The following ARL9 variants were observed in gnomAD, a reference collection of about 807,000 sequenced individuals.
ARL9 encodes ADP-ribosylation factor-like protein 9.
Under a neutral mutation model 27.0 loss-of-function variants are expected in ARL9, and 14 were observed. That is an observed-to-expected ratio of 0.52 (90% CI 0.34 to 0.81). ARL9 has a LOEUF of 0.81. Among genes scored for constraint, ARL9 ranks in the 30% least tolerant of loss-of-function variants. The pLI, the probability that ARL9 is intolerant of heterozygous loss-of-function variation, is 0.01. For synonymous variants in ARL9, 106 were observed against 108.7 expected (o/e 0.98, Z 0.15); for missense variants, 294 against 290.0 (o/e 1.01, Z -0.10).
intron 1 of ARL9, among the ~76,000 whole-genome samples, chr4:56,507,494 T>G (rs1398651405): frequency 6.6e-6 from 1 of 151,210 alleles, no homozygotes; most frequent in East Asian, 2.0e-4. Flanking sequence ...TCTGTATTTT[T>G]GGTAGAGATG....
chr4:56,522,076 C>T (rs1721937353), intron 3 of ARL9, among the ~76,000 whole-genome samples: 1 of 149,176 alleles, frequency 6.7e-6, no homozygotes, highest in East Asian at 2.0e-4. Context: ...AGCTCCACCT[C>T]CCAGGCTTAA....
chr4:56,511,381 A>C (rs2110145727), intron 2 of ARL9, 34 bp downstream of exon 2: 3 of 1,579,270 alleles, frequency 1.9e-6, no homozygotes, highest in Middle Eastern at 1.7e-4. Context: ...TAAGATAGCC[A>C]CATTTTATTG....
chr4:56,507,654 A>G (rs964841171), intron 1 of ARL9, among the ~76,000 whole-genome samples: 21 of 151,390 alleles, frequency 1.4e-4, no homozygotes, highest in Non-Finnish European at 3.1e-4. Flanking sequence ...ATAGGGCCTA[A>G]GATGACATTA....
At chr4:56,523,641 T>C in intron 3 of ARL9, 56 bp from the exon 4 acceptor site, 1 of 1,437,766 alleles carries the variant, frequency 7.0e-7, no homozygotes, top group Non-Finnish European at 9.5e-7. Flanking sequence ...TGTGTTTATC[T>C]GAAAGGATTG....
At chr4:56,514,980 T>A (rs1466128940) in intron 2 of ARL9, among the ~76,000 whole-genome samples, 2 of 152,144 alleles carry the variant, frequency 1.3e-5, no homozygotes, top group Admixed American at 1.3e-4. Context: ...CCAGGTGTGG[T>A]GGCTTATGCC....
At chr4:56,505,344 G>C, upstream of ARL9, 1 of 456,660 alleles carries the variant, frequency 2.2e-6, no homozygotes, top group South Asian at 1.5e-5. Context: ...ATGGTTGGGA[G>C]CTGAGGGAAG....
At chr4:56,509,426 T>C (rs1721566705) in intron 1 of ARL9, among the ~76,000 whole-genome samples, 2 of 151,868 alleles carry the variant, frequency 1.3e-5, no homozygotes, top group African/African-American at 4.8e-5. Context: ...TTCCAAACTC[T>C]TGGCCTCAAG....
Position 56,511,255 on chromosome 4 carries a change from C to T in ARL9, c.350C>T (p.Ala117Val). Residue 117 changes from alanine (A) to valine (V), a missense_variant, in exon 2 of 4, where the codon GCT becomes GTT. Coordinates refer to ENST00000640821, the MANE Select transcript of ARL9 (RefSeq NM_001363794.2). ...AAAACCAGTGTCCTGCACTCTCTAG[C>T]TTCAAACAGAGTCCAGCACAGTGTG... is the stretch of plus-strand genomic sequence containing the variant. Reference protein sequence around the residue: ...AGKTSVLHSLASNRVQHSVAP... With the variant: ...AGKTSVLHSLVSNRVQHSVAP... 6.2e-7 allele frequency: 1 copy of T among 1,613,894 alleles called. No individual in the cohort carries two copies. Among genetic ancestry groups the T allele is most frequent in the East Asian group, 2.2e-5 (1 of 44,888 alleles).
At chr4:56,517,830 C>T (rs547850177) in intron 2 of ARL9, among the ~76,000 whole-genome samples, 1 of 151,784 alleles carries the variant, frequency 6.6e-6, no homozygotes, top group East Asian at 1.9e-4. Flanking sequence ...ATCATATTAA[C>T]TCAATGCAAT....
rs1721629653 is a variant in ARL9, at chr4:56,511,285, C to T, written c.380C>T (p.Pro127Leu). The change falls in exon 2 of 4, where the codon CCC becomes CTC. Residue 127 changes from proline (P) to leucine (L), a missense_variant. Physicochemically the swap from Pro to Leu is moderately conservative, Grantham distance 98. Coordinates refer to ENST00000640821, the MANE Select transcript of ARL9 (RefSeq NM_001363794.2). ...AACAGAGTCCAGCACAGTGTGGCAC[C>T]CACCCAAGGTTTCCATGCAGTTTGC... ...ASNRVQHSVA[P>L]TQGFHAVCIN... The T allele has an allele frequency of 6.2e-7, 1 of 1,613,686 alleles. No homozygotes were observed. The highest frequency in any genetic ancestry group is 8.5e-7 in the Non-Finnish European group (1 of 1,179,814).
At chr4:56,513,820 C>G (rs1334608508) in intron 2 of ARL9, among the ~76,000 whole-genome samples, 1 of 152,162 alleles carries the variant, frequency 6.6e-6, no homozygotes, top group Non-Finnish European at 1.5e-5. Context: ...GTAGCTCCCC[C>G]AGTTTCTAAT....
intron 2 of ARL9, among the ~76,000 whole-genome samples, chr4:56,514,801 G>C (rs1446332135): frequency 6.6e-6 from 1 of 152,120 alleles, no homozygotes; most frequent in Non-Finnish European, 1.5e-5. Context: ...CCAACTCACG[G>C]TATGAGGTCA....
chr4:56,505,349 G>A, upstream of ARL9: 1 of 456,766 alleles, frequency 2.2e-6, no homozygotes, highest in Non-Finnish European at 4.4e-6. Context: ...TGGGAGCTGA[G>A]GGAAGGCTGA....
chr4:56,518,580 C>A (rs1721828158), intron 2 of ARL9, 98 bp from the exon 3 acceptor site: 1 of 1,027,464 alleles, frequency 9.7e-7, no homozygotes, highest in Non-Finnish European at 1.5e-6. Flanking sequence ...AAACACCTGT[C>A]CTGTGTTCAG....
In ARL9 at chr4:56,511,268, C is replaced by G; in HGVS notation, c.363C>G (p.Val121=). The change falls in exon 2 of 4, where the codon GTC becomes GTG. Residue 121 remains valine (V), a synonymous_variant. Transcript: ENST00000640821. The part of the protein sequence containing the change: ...SVLHSLASNR[V]QHSVAPTQGF... Reference sequence around the variant, plus strand: ...TGCACTCTCTAGCTTCAAACAGAGTCCAGCACAGTGTGGCACCCACCCAAG... The same window carrying G: ...TGCACTCTCTAGCTTCAAACAGAGTGCAGCACAGTGTGGCACCCACCCAAG... The G allele has an allele frequency of 6.2e-7, 1 of 1,613,902 alleles. No homozygotes were observed.
upstream of ARL9, chr4:56,505,572 C>G (rs1721429085): frequency 1.7e-6 from 1 of 582,420 alleles, no homozygotes; most frequent in Non-Finnish European, 3.2e-6. Flanking sequence ...GTCCCACGTC[C>G]TGGTTGGGAC....
intron 2 of ARL9, 98 bp downstream of exon 2, chr4:56,511,445 C>G: frequency 7.8e-7 from 1 of 1,283,026 alleles, no homozygotes; most frequent in Non-Finnish European, 1.1e-6. Context: ...AAAACTAACA[C>G]TGAATCAAAT....
chr4:56,520,474 A>G (rs2110154597), intron 3 of ARL9, among the ~76,000 whole-genome samples: 1 of 152,326 alleles, frequency 6.6e-6, no homozygotes, highest in Admixed American at 6.5e-5. Context: ...AGAAATAGAA[A>G]GTGGAGTGGT....
rs1721755260 is a variant in ARL9, at chr4:56,515,921, T to G, written c.443-2757T>G. ...ATTCCAATCAATAGCTCAACAAGATTTTTTAAAAAGAGTTTGACAAGCTGA... is the reference window on the plus strand; with the variant it reads ...ATTCCAATCAATAGCTCAACAAGATGTTTTAAAAAGAGTTTGACAAGCTGA... On this transcript the variant is annotated intron_variant, in intron 2 of 3. Transcript: ENST00000640821. Among the ~76,000 whole-genome samples, 4 of 152,186 alleles carry G rather than the reference T, an allele frequency of 2.6e-5. No individual in the cohort carries two copies. The South Asian group carries it at 8.3e-4, about 32-fold the overall frequency.
Sources: gnomAD v4.1 joint callset for allele counts (sites outside exome capture counted in the v4.1 genomes callset) on GRCh38, gnomAD v4.1.1 for gene constraint, MANE v1.5 for transcripts, NCBI Gene and HGNC (gene_info 2026-07-23, HGNC 2026-07-21) for gene names.